MAP3K9: variants seen among roughly 807,000 people sequenced by gnomAD.
MAP3K9 encodes the protein mitogen-activated protein kinase kinase kinase 9, also known as mixed lineage kinase 1 (tyr and ser/thr specificity).
In MAP3K9, 46 loss-of-function variants were observed where a neutral mutation model predicts 95.8. That is an observed-to-expected ratio of 0.48 (90% confidence interval 0.38 to 0.61). The LOEUF is 0.61. Among genes scored for constraint, MAP3K9 ranks in the 20% least tolerant of loss-of-function variants. MAP3K9 has a pLI of 0.00. For missense variants in MAP3K9, 1,296 were observed against 1,474.3 expected (o/e 0.88, Z 1.98); for synonymous variants, 533 against 593.8 (o/e 0.90, Z 1.49).
At chr14:70,762,210 T>TATA (rs1324100703) in intron 2 of MAP3K9, among the ~76,000 whole-genome samples, 2 of 152,348 alleles carry the variant, frequency 1.3e-5, no homozygotes, top group African/African-American at 4.8e-5. Context: ...TGAACATGTG[T>TATA]ATACATATAT....
At chr14:70,776,143 C>T (rs546161448) in intron 2 of MAP3K9, among the ~76,000 whole-genome samples, 2 of 152,116 alleles carry the variant, frequency 1.3e-5, no homozygotes, top group East Asian at 1.9e-4. Flanking sequence ...GAGCCAAGAT[C>T]GCGCCATTAC....
At chr14:70,777,562 C>G (rs2054616281) in intron 2 of MAP3K9, among the ~76,000 whole-genome samples, 1 of 152,168 alleles carries the variant, frequency 6.6e-6, no homozygotes, top group Admixed American at 6.5e-5. Context: ...TCCCAGGGTT[C>G]AGAAAGTCTT....
chr14:70,806,934 C>T (rs2054996046), intron 1 of MAP3K9, among the ~76,000 whole-genome samples: 1 of 152,210 alleles, frequency 6.6e-6, no homozygotes, highest in South Asian at 2.1e-4. Context: ...TTTCAAAACA[C>T]TATGCCAGGA....
intron 5 of MAP3K9, among the ~76,000 whole-genome samples, chr14:70,745,807 T>C (rs1428234957): frequency 6.6e-6 from 1 of 151,758 alleles, no homozygotes; most frequent in African/African-American, 2.4e-5. Context: ...TAGCATGTGG[T>C]AGGCCTAGGT....
chr14:70,764,278 G>C (rs2054418312), intron 2 of MAP3K9, among the ~76,000 whole-genome samples: 1 of 151,114 alleles, frequency 6.6e-6, no homozygotes, highest in Non-Finnish European at 1.5e-5. Flanking sequence ...GTTATTATAG[G>C]AGATTAACAG....
At position 70,724,802 on chromosome 14, in the gene MAP3K9, ACT is replaced by A. The variant is rs2053798390; in HGVS notation, c.*5576_*5577del. 1 of 151,832 alleles carries A rather than the reference ACT, an allele frequency of 6.6e-6. No homozygotes were observed. Among genetic ancestry groups the A allele is most frequent in the South Asian group, 2.1e-4 (1 of 4,806 alleles). The allele number at this position is 151,832 out of a possible 1,614,324, so 9.4% of individuals were successfully genotyped here. A position where few individuals can be genotyped will look rare whatever the true frequency, so the allele number is the denominator to read the frequency against. ...GCTCCCCAGGGCTCCGCTTGTGACT[ACT>A]CTGACCTCTGGGTTCAGAATGCCCA... On this transcript the variant is annotated 3_prime_UTR_variant, in exon 12 of 12. Coordinates refer to ENST00000554752, the MANE Select transcript of MAP3K9 (RefSeq NM_001284230.2).
In MAP3K9 at chr14:70,725,424, A is replaced by C. The variant is rs74065407; in HGVS notation, c.*4956T>G. 4 of 152,222 alleles carry C rather than the reference A, an allele frequency of 2.6e-5. No individual in the cohort carries two copies. The highest frequency in any genetic ancestry group is 9.7e-5 in the African/African-American group (4 of 41,428). 9.4% of individuals were successfully genotyped at this position (152,222 alleles called of 1,614,324 possible). A position where few individuals can be genotyped will look rare whatever the true frequency, so the allele number is the denominator to read the frequency against. Reference sequence around the variant, plus strand: ...ACTCACCTGGCCTGCACGGCTAACCATAAGTCCCGGGCTGAGTCATGATAA... The same window carrying C: ...ACTCACCTGGCCTGCACGGCTAACCCTAAGTCCCGGGCTGAGTCATGATAA... On this transcript the variant is annotated 3_prime_UTR_variant, in exon 12 of 12. Coordinates refer to ENST00000554752, the MANE Select transcript of MAP3K9 (RefSeq NM_001284230.2).
intron 2 of MAP3K9, among the ~76,000 whole-genome samples, chr14:70,783,622 C>T (rs1054136127): frequency 6.6e-6 from 1 of 152,230 alleles, no homozygotes; most frequent in African/African-American, 2.4e-5. Flanking sequence ...CAAATTGGAG[C>T]TTCAAGGAAT....
At chr14:70,766,311 C>T (rs1414944293) in intron 2 of MAP3K9, among the ~76,000 whole-genome samples, 1 of 152,058 alleles carries the variant, frequency 6.6e-6, no homozygotes, top group Non-Finnish European at 1.5e-5. Flanking sequence ...CCTGCTTCTA[C>T]AAAATGGGGA....
intron 1 of MAP3K9, among the ~76,000 whole-genome samples, chr14:70,804,108 C>A (rs1288392417): frequency 6.6e-6 from 1 of 152,160 alleles, no homozygotes; most frequent in Admixed American, 6.5e-5. Context: ...GTTTTTGAAG[C>A]CAACAGCTTC....
At chr14:70,782,071 G>A (rs1313955092) in intron 2 of MAP3K9, among the ~76,000 whole-genome samples, 1 of 152,046 alleles carries the variant, frequency 6.6e-6, no homozygotes, top group African/African-American at 2.4e-5. Context: ...CCTTCTTTGA[G>A]GCCTAATTGT....
chr14:70,774,381 T>A (rs966125934), intron 2 of MAP3K9, among the ~76,000 whole-genome samples: 3 of 152,218 alleles, frequency 2.0e-5, no homozygotes, highest in African/African-American at 7.2e-5. Flanking sequence ...ATATTTTATA[T>A]CAGGCTGGGC....
intron 2 of MAP3K9, among the ~76,000 whole-genome samples, chr14:70,762,340 T>G (rs1197739414): frequency 6.6e-6 from 1 of 152,168 alleles, no homozygotes; most frequent in African/African-American, 2.4e-5. Context: ...AGAAGAACCA[T>G]TTTACATTTC....
intron 3 of MAP3K9, among the ~76,000 whole-genome samples, chr14:70,757,857 T>C (rs373002449): frequency 1.3e-5 from 2 of 152,186 alleles, no homozygotes; most frequent in East Asian, 1.9e-4. Context: ...ACATGAAAAA[T>C]AATAAAGTTG....
At chr14:70,760,232 T>A (rs1400382906) in intron 3 of MAP3K9, among the ~76,000 whole-genome samples, 1 of 151,880 alleles carries the variant, frequency 6.6e-6, no homozygotes, top group Non-Finnish European at 1.5e-5. Flanking sequence ...TATATAATGA[T>A]AAACTACAGT....
chr14:70,791,285 C>A (rs2054804399), intron 2 of MAP3K9, among the ~76,000 whole-genome samples: 1 of 152,144 alleles, frequency 6.6e-6, no homozygotes, highest in Admixed American at 6.5e-5. Context: ...CCAGAAACCC[C>A]AACCAAGGCC....
Position 70,734,400 on chromosome 14 carries a change from C to T in MAP3K9, c.2012G>A (p.Ser671Asn), listed in dbSNP as rs200983878. Residue 671 changes from serine (S) to asparagine (N), a missense_variant, in exon 10 of 12, where the codon AGC becomes AAC. By Grantham distance (46) the Ser-to-Asn change is conservative. Around this residue, in one of 5 missense-constraint regions of MAP3K9, gnomAD observed 377 missense variants for 417.1 expected, o/e 0.90. Transcript: ENST00000554752. ...GCTATGCTTACCCATCTCCATAAGG[C>T]TGGTGAACCCTGGCAGGGCCGGGCT... The part of the protein sequence containing the change: ...RSSPALPGFT[S>N]LMEMEDEDSE... 1.2e-6 allele frequency: 2 copies of T among 1,613,580 alleles called. No homozygotes were observed. The highest frequency in any genetic ancestry group is 2.2e-5 in the South Asian group (2 of 91,070).
Position 70,772,497 on chromosome 14 carries a change from T to A in MAP3K9, c.821-11315A>T, listed in dbSNP as rs550692578. Among the ~76,000 whole-genome samples, 17 of 152,240 alleles carry A rather than the reference T, an allele frequency of 1.1e-4. No individual in the cohort carries two copies. In the East Asian group the frequency reaches 2.9e-3, roughly 26 times the overall value. On this transcript the variant is annotated intron_variant, in intron 2 of 11. Coordinates refer to ENST00000554752, the MANE Select transcript of MAP3K9 (RefSeq NM_001284230.2). ...CTGAAGAGGAATAATAAGCGCTCAA[T>A]AAACATTCATCTGGAATTAACAAAT...
At position 70,775,931 on chromosome 14, in the gene MAP3K9, G is replaced by A. The variant is rs1009624817; in HGVS notation, c.821-14749C>T. ...GGGCCGGGTGTGGTGGCTCAAGCCT[G>A]TAATCCGAGCACTTTGGGAGGCCGA... On this transcript the variant is annotated intron_variant, in intron 2 of 11. Coordinates refer to ENST00000554752, the MANE Select transcript of MAP3K9 (RefSeq NM_001284230.2). Among the ~76,000 whole-genome samples, 8 of 152,254 alleles carry A rather than the reference G, an allele frequency of 5.3e-5. No individual in the cohort carries two copies. In the East Asian group the frequency reaches 1.5e-3, roughly 29 times the overall value.
Sources: allele counts gnomAD v4.1 joint callset (sites outside exome capture counted in the v4.1 genomes callset), GRCh38; gene constraint gnomAD v4.1.1; regional missense constraint gnomAD v4.1.1; transcripts MANE v1.5; gene names NCBI Gene and HGNC (gene_info 2026-07-23, HGNC 2026-07-21).